ZNF92: variants seen among roughly 807,000 people sequenced by gnomAD.
ZNF92 encodes zinc finger protein 92.
ZNF92 carries 11 observed loss-of-function variants against 12.4 expected under a neutral mutation model. The ratio of observed to expected loss-of-function variants is 0.89; its 90% CI spans 0.56 to 1.47. The LOEUF (loss-of-function observed/expected upper bound fraction) is 1.47, where lower values mean the gene tolerates loss of function less well. ZNF92 is among the 40% of genes most tolerant of loss of function. The pLI, the probability that ZNF92 is intolerant of heterozygous loss-of-function variation, is 0.00. For synonymous variants in ZNF92, 206 were observed against 228.6 expected, an observed-to-expected ratio of 0.90 and a Z score of 0.89; for missense variants, 622 against 681.0, an observed-to-expected ratio of 0.91 and a Z score of 0.96.
At chr7:65,388,524 A>C (rs1224559366) in intron 2 of ZNF92, among the ~76,000 whole-genome samples, 1 of 151,868 alleles carries the variant, frequency 6.6e-6, no homozygotes, top group Admixed American at 6.6e-5. Context: ...CTGTAATCCA[A>C]CTACTCAGGA....
Position 65,399,763 on chromosome 7 carries a change from C to T in ZNF92, c.1649C>T (p.Ser550Leu), listed in dbSNP as rs1440772712. The T allele has an allele frequency of 1.2e-6, 2 of 1,613,444 alleles. No individual in the cohort carries two copies. Among genetic ancestry groups the T allele is most frequent in the Admixed American group, 1.7e-5 (1 of 59,968 alleles). ...EECDKAFNKF[S>L]TLITHQIIYT... is the part of the protein sequence containing the mutation. The stretch of plus-strand genomic sequence containing the variant: ...TGTGACAAAGCCTTTAACAAGTTCT[C>T]AACCCTTATTACACATCAGATAATT... The change falls in exon 4 of 4, where the codon TCA becomes TTA. Residue 550 changes from serine (S) to leucine (L), a missense_variant. Coordinates refer to ENST00000328747, the MANE Select transcript of ZNF92 (RefSeq NM_152626.4).
At chr7:65,388,153 A>G in intron 2 of ZNF92, 125 bp downstream of exon 2, 2 of 1,102,662 alleles carry the variant, frequency 1.8e-6, no homozygotes, top group Non-Finnish European at 2.5e-6. Context: ...TCAAGAAAAC[A>G]GAGATTTGTC....
chr7:65,376,063 C>T (rs1010541535), intron 1 of ZNF92, among the ~76,000 whole-genome samples: 2 of 151,658 alleles, frequency 1.3e-5, no homozygotes, highest in African/African-American at 2.4e-5. Context: ...CAGGCACGCA[C>T]AACCACACCC....
At chr7:65,378,741 CAAA>C (rs35355370) in intron 1 of ZNF92, among the ~76,000 whole-genome samples, 17 of 144,998 alleles carry the variant, frequency 1.2e-4, no homozygotes, top group Non-Finnish European at 7.5e-5. Flanking sequence ...GACTCCGTCT[CAAA>C]AAAAAAAAAA....
rs566841154 is a variant in ZNF92 at position 65,378,682 on chromosome 7, C to T, written c.3+4682C>T. ...GTGTGAACCCGGGAGGCAGAGCTTG[C>T]GGTGAGCCGAGATCGTGCCACTGCA... On this transcript the variant is annotated intron_variant, in intron 1 of 3. Transcript: ENST00000328747. Among the ~76,000 whole-genome samples the T allele has an allele frequency of 6.2e-4, 93 of 150,892 alleles. 1 individual carries two copies. Among genetic ancestry groups the T allele is most frequent in the African/African-American group, 1.7e-3 (71 of 40,982 alleles).
intron 1 of ZNF92, among the ~76,000 whole-genome samples, chr7:65,379,610 C>T (rs1325696084): frequency 1.3e-5 from 2 of 152,112 alleles, no homozygotes; most frequent in African/African-American, 4.8e-5. Context: ...AGGCACCACC[C>T]TCAGGAATTT....
rs1381711554 is a variant in ZNF92 at position 65,399,765 on chromosome 7, A to G, written c.1651A>G (p.Thr551Ala). ...TGACAAAGCCTTTAACAAGTTCTCA[A>G]CCCTTATTACACATCAGATAATTTA... ...ECDKAFNKFS[T>A]LITHQIIYTG... Residue 551 changes from threonine (T) to alanine (A), a missense_variant, in exon 4 of 4, where the codon ACC (threonine) becomes GCC (alanine). Coordinates refer to ENST00000328747, the MANE Select transcript of ZNF92 (RefSeq NM_152626.4). 12 of 1,613,444 alleles carry G rather than the reference A, an allele frequency of 7.4e-6. 1 individual carries two copies. In the South Asian group the frequency reaches 1.1e-4, roughly 15 times the overall value.
intron 3 of ZNF92, among the ~76,000 whole-genome samples, chr7:65,396,732 C>A (rs1303151401): frequency 6.6e-6 from 1 of 152,046 alleles, no homozygotes; most frequent in Non-Finnish European, 1.5e-5. Flanking sequence ...TCAGGCTGAT[C>A]TTGAACTCCT....
intron 1 of ZNF92, among the ~76,000 whole-genome samples, chr7:65,378,615 G>A (rs532918074): frequency 3.9e-5 from 6 of 151,988 alleles, no homozygotes; most frequent in East Asian, 3.9e-4. Context: ...GGTGGCGGGC[G>A]CCTGTAGTCC....
In ZNF92 at chr7:65,399,924, A is replaced by G; in HGVS notation, c.*49A>G. On this transcript the variant is annotated 3_prime_UTR_variant, in exon 4 of 4. Coordinates refer to ENST00000328747, the MANE Select transcript of ZNF92 (RefSeq NM_152626.4). ...ACACCTCAAACTTTTCTAAACATAA[A>G]CCATATTGGTGCCCTAGAAATGTGA... 1.4e-6 allele frequency: 2 copies of G among 1,454,444 alleles called. No individual in the cohort carries two copies. The highest frequency in any genetic ancestry group is 2.3e-5 in the Admixed American group (1 of 44,442). The allele number at this position is 1,454,444 out of a possible 1,614,324, so 90.1% of individuals were successfully genotyped here.
intron 2 of ZNF92, 162 bp downstream of exon 2, chr7:65,388,190 GT>G (rs1793624544): frequency 3.0e-6 from 2 of 668,646 alleles, no homozygotes; most frequent in African/African-American, 3.8e-5. Context: ...TCTTCAAGAT[GT>G]TTCATTTTGA....
At chr7:65,392,438 A>T (rs1793740273) in intron 3 of ZNF92, among the ~76,000 whole-genome samples, 1 of 151,484 alleles carries the variant, frequency 6.6e-6, no homozygotes, top group African/African-American at 2.4e-5. Flanking sequence ...ACCATCTTAA[A>T]TCTATTTAAG....
At chr7:65,374,518 A>G (rs1793186470) in intron 1 of ZNF92, among the ~76,000 whole-genome samples, 1 of 151,872 alleles carries the variant, frequency 6.6e-6, no homozygotes, top group Admixed American at 6.6e-5. Flanking sequence ...CTTGAAGGAA[A>G]CACTTTTATA....
chr7:65,383,851 A>G (rs890064918), intron 1 of ZNF92, among the ~76,000 whole-genome samples: 2 of 152,146 alleles, frequency 1.3e-5, no homozygotes, highest in African/African-American at 2.4e-5. Context: ...CCATCAGCCC[A>G]GGATCACTGA....
chr7:65,385,695 C>G (rs1224774346), intron 1 of ZNF92, among the ~76,000 whole-genome samples: 1 of 151,118 alleles, frequency 6.6e-6, no homozygotes, highest in Non-Finnish European at 1.5e-5. Context: ...TGGACTTTTT[C>G]TGCAGGTCTT....
At chr7:65,384,548 A>G (rs2116358959) in intron 1 of ZNF92, among the ~76,000 whole-genome samples, 1 of 152,254 alleles carries the variant, frequency 6.6e-6, no homozygotes, top group East Asian at 1.9e-4. Context: ...TTAATTTTGT[A>G]TTAAAATCAG....
intron 3 of ZNF92, among the ~76,000 whole-genome samples, chr7:65,391,614 A>G (rs1229727216): frequency 6.6e-6 from 1 of 152,152 alleles, no homozygotes; most frequent in Non-Finnish European, 1.5e-5. Context: ...CAGAGGCACT[A>G]ACCATATTCA....
chr7:65,398,214 T>C, intron 3 of ZNF92, 127 bp from the exon 4 acceptor site: 1 of 719,000 alleles, frequency 1.4e-6, no homozygotes, highest in Non-Finnish European at 2.2e-6. Flanking sequence ...TGTAAGGAAT[T>C]AGGGCTTGCA....
chr7:65,375,222 G>C (rs1324581197), intron 1 of ZNF92, among the ~76,000 whole-genome samples: 1 of 151,976 alleles, frequency 6.6e-6, no homozygotes, highest in Non-Finnish European at 1.5e-5. Flanking sequence ...AAACTTTATG[G>C]GGTGATGTGT....
Sources: allele counts gnomAD v4.1 joint callset (sites outside exome capture counted in the v4.1 genomes callset), GRCh38; gene constraint gnomAD v4.1.1; transcripts MANE v1.5; gene names NCBI Gene and HGNC (gene_info 2026-07-23, HGNC 2026-07-21).